Variants in HECW1 observed in about 807,000 individuals in gnomAD.
HECW1 encodes HECT, C2 and WW domain containing E3 ubiquitin protein ligase 1.
In HECW1, 61 loss-of-function variants were observed where a neutral mutation model predicts 182.3. The observed-to-expected ratio is 0.33, with a 90% confidence interval of 0.27 to 0.41. The LOEUF is 0.41. Ranked by LOEUF, HECW1 falls within the 10% of genes least tolerant of loss-of-function variation. The pLI is 1.00. For synonymous variants in HECW1, 859 were observed against 832.6 expected, an observed-to-expected ratio of 1.03 and a Z score of -0.55; for missense variants, 1,739 against 2,108.9, an observed-to-expected ratio of 0.82 and a Z score of 3.44.
intron 11 of HECW1, among the ~76,000 whole-genome samples, chr7:43,448,689 T>G (rs893173978): frequency 1.3e-5 from 2 of 152,244 alleles, no homozygotes; most frequent in African/African-American, 4.8e-5. Flanking sequence ...TTTCCTGTAC[T>G]TTATAATTCA....
intron 2 of HECW1, among the ~76,000 whole-genome samples, chr7:43,175,418 T>A (rs1792131701): frequency 6.6e-6 from 1 of 152,242 alleles, no homozygotes; most frequent in South Asian, 2.1e-4. Flanking sequence ...TCTCTTATTA[T>A]GAAAATGTCC....
At chr7:43,215,921 T>A (rs2152698757) in intron 2 of HECW1, among the ~76,000 whole-genome samples, 1 of 152,328 alleles carries the variant, frequency 6.6e-6, no homozygotes, top group Middle Eastern at 3.4e-3. Context: ...GGGCCAGTGT[T>A]CAGAGACCAG....
At chr7:43,385,623 C>G (rs1182502168) in intron 6 of HECW1, among the ~76,000 whole-genome samples, 3 of 152,018 alleles carry the variant, frequency 2.0e-5, no homozygotes, top group African/African-American at 7.2e-5. Flanking sequence ...AACAGAAGAG[C>G]AAGGCCAATT....
At chr7:43,399,891 T>G (rs944902942) in intron 7 of HECW1, among the ~76,000 whole-genome samples, 3 of 152,198 alleles carry the variant, frequency 2.0e-5, no homozygotes, top group Admixed American at 6.5e-5. Context: ...GTATGTTGCA[T>G]TCACTATGTC....
chr7:43,472,188 T>C (rs2078048600), intron 16 of HECW1, among the ~76,000 whole-genome samples: 1 of 152,026 alleles, frequency 6.6e-6, no homozygotes, highest in South Asian at 2.1e-4. Context: ...AAACAGCCTC[T>C]AAAGCAGAAG....
At chr7:43,496,857 A>T (rs1218087788) in intron 19 of HECW1, among the ~76,000 whole-genome samples, 1 of 152,220 alleles carries the variant, frequency 6.6e-6, no homozygotes, top group African/African-American at 2.4e-5. Flanking sequence ...TTCAAGGGGC[A>T]TGGAGGTGGT....
chr7:43,149,163 T>C (rs372508793), intron 2 of HECW1, among the ~76,000 whole-genome samples: 58 of 152,228 alleles, frequency 3.8e-4, no homozygotes, highest in African/African-American at 1.3e-3. Flanking sequence ...TAAATACGTA[T>C]TGATTACAAA....
At chr7:43,425,301 A>AGCT in intron 8 of HECW1, among the ~76,000 whole-genome samples, 1 of 117,416 alleles carries the variant, frequency 8.5e-6, no homozygotes, top group Admixed American at 9.7e-5. Flanking sequence ...ATAGATAGAT[A>AGCT]GATGATAGAT....
chr7:43,324,351 A>G (rs1458593397), intron 5 of HECW1, among the ~76,000 whole-genome samples: 1 of 152,232 alleles, frequency 6.6e-6, no homozygotes, highest in Non-Finnish European at 1.5e-5. Flanking sequence ...ATATAAATAA[A>G]ATAAGATGCT....
chr7:43,390,465 T>A (rs947930669), intron 6 of HECW1, among the ~76,000 whole-genome samples: 1 of 148,316 alleles, frequency 6.7e-6, no homozygotes, highest in East Asian at 2.0e-4. Flanking sequence ...CACTTGAGTC[T>A]AGGAAGTCAA....
chr7:43,230,255 A>G (rs910923465), intron 2 of HECW1, among the ~76,000 whole-genome samples: 5 of 152,172 alleles, frequency 3.3e-5, no homozygotes, highest in Admixed American at 2.6e-4. Context: ...TTAGCTGGGC[A>G]TGGTGGCGGG....
chr7:43,533,866 C>T (rs1480763243), intron 24 of HECW1, among the ~76,000 whole-genome samples: 1 of 152,154 alleles, frequency 6.6e-6, no homozygotes, highest in African/African-American at 2.4e-5. Flanking sequence ...GAGTATTTTT[C>T]ATGCTGAGCT....
chr7:43,158,806 A>G (rs970673863), intron 2 of HECW1, among the ~76,000 whole-genome samples: 2 of 152,180 alleles, frequency 1.3e-5, no homozygotes, highest in African/African-American at 4.8e-5. Flanking sequence ...CTTTTTGTGA[A>G]TAGTTCAAAA....
chr7:43,184,919 AC>A (rs1349221378), intron 2 of HECW1, among the ~76,000 whole-genome samples: 2 of 151,932 alleles, frequency 1.3e-5, no homozygotes, highest in Non-Finnish European at 2.9e-5. Context: ...GGTGCCACAC[AC>A]CCTTAAACAA....
rs142379769 is a variant in HECW1 at position 43,376,053 on chromosome 7, C to T, written c.555+15073C>T. 2.1e-3 allele frequency among the ~76,000 whole-genome samples: 311 copies of T among 148,834 alleles called. 1 individual carries two copies. The highest frequency in any genetic ancestry group is 7.4e-3 in the African/African-American group (293 of 39,692). On this transcript the variant is annotated intron_variant, in intron 6 of 29. Coordinates refer to ENST00000395891, the MANE Select transcript of HECW1 (RefSeq NM_015052.5). ...GTATATATATACACACATATATATA[C>T]ACACACTATTTTATTTTTATTTATA...
chr7:43,306,593 A>G (rs1807601659), intron 3 of HECW1, among the ~76,000 whole-genome samples: 1 of 152,188 alleles, frequency 6.6e-6, no homozygotes, highest in Non-Finnish European at 1.5e-5. Context: ...TATTTCGCTT[A>G]CAATTTTTGA....
chr7:43,336,124 TTCTC>T lies in HECW1; in HGVS notation c.460+15398_460+15401del, dbSNP rs1233029672. On this transcript the variant is annotated intron_variant, in intron 5 of 29. Transcript: ENST00000395891. ...CTTTCTTCTTTCTTTCTTTCTTTCT[TTCTC>T]TCTCTCTCTCTCTCTTTCTCTCTCT... 2.0e-4 allele frequency among the ~76,000 whole-genome samples: 13 copies of T among 64,300 alleles called. 1 individual carries two copies. The highest frequency in any genetic ancestry group is 6.0e-4 in the South Asian group (1 of 1,656). 42.2% of individuals were successfully genotyped at this position (64,300 alleles called of 152,430 possible). A position where few individuals can be genotyped will look rare whatever the true frequency, so the allele number is the denominator to read the frequency against.
At chr7:43,257,709 G>A (rs1800725433) in intron 3 of HECW1, among the ~76,000 whole-genome samples, 1 of 152,132 alleles carries the variant, frequency 6.6e-6, no homozygotes, top group African/African-American at 2.4e-5. Flanking sequence ...AGGAATTTTA[G>A]CACAAGGGCT....
At chr7:43,341,992 TA>T (rs926922868) in intron 5 of HECW1, among the ~76,000 whole-genome samples, 18 of 151,848 alleles carry the variant, frequency 1.2e-4, no homozygotes, top group Admixed American at 3.9e-4. Flanking sequence ...AATATGGCTT[TA>T]AAAATTATGT....
Sources: allele counts gnomAD v4.1 joint callset (sites outside exome capture counted in the v4.1 genomes callset), GRCh38; gene constraint gnomAD v4.1.1; transcripts MANE v1.5; gene names NCBI Gene and HGNC (gene_info 2026-07-23, HGNC 2026-07-21).